SP3: variants seen among roughly 807,000 people sequenced by gnomAD.
The protein encoded by SP3 is Sp3 transcription factor.
A neutral mutation model predicts 70.3 loss-of-function variants in SP3; 10 were observed. That is an observed-to-expected ratio of 0.14 (90% confidence interval 0.09 to 0.24). The LOEUF (loss-of-function observed/expected upper bound fraction) is 0.24. Ranked by LOEUF, SP3 falls within the 10% of genes least tolerant of loss-of-function variation. SP3 has a pLI of 1.00. For synonymous variants in SP3, 402 were observed against 333.5 expected (o/e 1.21, Z -2.24); for missense variants, 825 against 914.6 (o/e 0.90, Z 1.26).
chr2:173,937,323 C>A (rs1419117919), intron 4 of SP3, among the ~76,000 whole-genome samples: 1 of 152,144 alleles, frequency 6.6e-6, no homozygotes, highest in African/African-American at 2.4e-5. Flanking sequence ...ACTGGTTATC[C>A]CCTGAAATTT....
rs554153209 is a variant in SP3, at chr2:173,932,291, AAGCAATTGTTCTGCCTC to A, written c.1640-13523_1640-13507del. On this transcript the variant is annotated intron_variant, in intron 4 of 6. Coordinates refer to ENST00000310015, the MANE Select transcript of SP3 (RefSeq NM_003111.5). ...ACTGCAACATCTGCCTCCTGGGTTC[AAGCAATTGTTCTGCCTC>A]AGCCTCCCAAGTGGCTGGGATTACA... Among the ~76,000 whole-genome samples the A allele has an allele frequency of 2.0e-5, 3 of 152,158 alleles. No individual in the cohort carries two copies. In the South Asian group the frequency reaches 6.2e-4, roughly 32 times the overall value.
intron 4 of SP3, among the ~76,000 whole-genome samples, chr2:173,923,355 A>G (rs759043929): frequency 1.1e-3 from 167 of 152,182 alleles, no homozygotes; most frequent in Non-Finnish European, 1.5e-3. Flanking sequence ...AATTTAAATA[A>G]TGAAATATAC....
In SP3 at chr2:173,908,261, CT is replaced by C. The variant is rs1355190884; in HGVS notation, c.*1679del. The C allele has an allele frequency of 2.0e-5, 3 of 152,012 alleles. No homozygotes were observed. The highest frequency in any genetic ancestry group is 4.4e-5 in the Non-Finnish European group (3 of 67,934). 9.4% of individuals were successfully genotyped at this position (152,012 alleles called of 1,614,324 possible). ...AAAACAAAAAAATTGCAAAATGGTA[CT>C]GATAAAACTGATATGAATCAATGTG... is the stretch of plus-strand genomic sequence containing the variant. On this transcript the variant is annotated 3_prime_UTR_variant, in exon 7 of 7. Coordinates refer to ENST00000310015, the MANE Select transcript of SP3 (RefSeq NM_003111.5).
At chr2:173,939,724 C>T (rs1690306437) in intron 4 of SP3, among the ~76,000 whole-genome samples, 1 of 129,116 alleles carries the variant, frequency 7.7e-6, no homozygotes, top group African/African-American at 3.1e-5. Context: ...AAGATTGCGC[C>T]ACTGCACTCC....
chr2:173,931,448 A>T (rs1690064111), intron 4 of SP3, among the ~76,000 whole-genome samples: 1 of 152,100 alleles, frequency 6.6e-6, no homozygotes, highest in African/African-American at 2.4e-5. Flanking sequence ...GGTTCAAGCG[A>T]TTCTTCTGCC....
In SP3 at chr2:173,900,796, A is replaced by AT. The variant is rs1185077486; in HGVS notation, c.*9144dup. Among the ~76,000 whole-genome samples the AT allele has an allele frequency of 8.5e-5, 13 of 152,234 alleles. No homozygotes were observed. The highest frequency in any genetic ancestry group is 2.7e-4 in the African/African-American group (11 of 41,474). The stretch of plus-strand genomic sequence containing the variant: ...AGGATTTTCAAAGAGACAATAATTT[A>AT]TTTTTAAAAACCATTAAAGACTTGA... On this transcript the variant is annotated 3_prime_UTR_variant, in exon 7 of 7. Transcript: ENST00000310015.
intron 4 of SP3, among the ~76,000 whole-genome samples, chr2:173,926,756 G>A (rs1689921761): frequency 6.6e-6 from 1 of 151,972 alleles, no homozygotes; most frequent in Non-Finnish European, 1.5e-5. Context: ...CATTCCAATT[G>A]CATATTGCAA....
At chr2:173,914,799 A>G (rs1418134381) in intron 5 of SP3, 1 of 152,220 alleles carries the variant, frequency 6.6e-6, no homozygotes, top group Admixed American at 6.5e-5. Flanking sequence ...CTCCCTTGCA[A>G]TGCCAAAGTC....
At chr2:173,930,805 A>G (rs1690046006) in intron 4 of SP3, among the ~76,000 whole-genome samples, 1 of 152,222 alleles carries the variant, frequency 6.6e-6, no homozygotes, top group Non-Finnish European at 1.5e-5. Context: ...TTAAGTGATG[A>G]TAGGCTGTAA....
intron 4 of SP3, among the ~76,000 whole-genome samples, chr2:173,920,544 A>G (rs10190140): frequency 0.41 from 62,219 of 151,782 alleles, 12,983 homozygotes; most frequent in Non-Finnish European, 0.44. Flanking sequence ...GGGGTAAGGT[A>G]TATCTCTATA....
chr2:173,950,393 T>A (rs1690677309), intron 4 of SP3, among the ~76,000 whole-genome samples: 1 of 151,772 alleles, frequency 6.6e-6, no homozygotes, highest in Non-Finnish European at 1.5e-5. Context: ...AAAAGTAAAG[T>A]GCAGGCTAGG....
intron 6 of SP3, among the ~76,000 whole-genome samples, chr2:173,912,047 A>G (rs1489480998): frequency 6.6e-6 from 1 of 152,102 alleles, no homozygotes; most frequent in Non-Finnish European, 1.5e-5. Flanking sequence ...CAAACTCCTG[A>G]GGCTCAAGCA....
chr2:173,951,540 A>G (rs1690712703), intron 4 of SP3, among the ~76,000 whole-genome samples: 1 of 152,258 alleles, frequency 6.6e-6, no homozygotes, highest in South Asian at 2.1e-4. Flanking sequence ...AGTGAATAAA[A>G]GAAGACATTT....
At chr2:173,924,970 C>T (rs1689869609) in intron 4 of SP3, among the ~76,000 whole-genome samples, 1 of 152,216 alleles carries the variant, frequency 6.6e-6, no homozygotes, top group South Asian at 2.1e-4. Context: ...TCACTGCAAC[C>T]TCCACCTCCC....
At chr2:173,924,814 A>G (rs1342403781) in intron 4 of SP3, among the ~76,000 whole-genome samples, 1 of 152,236 alleles carries the variant, frequency 6.6e-6, no homozygotes, top group Non-Finnish European at 1.5e-5. Context: ...AATTTTAATT[A>G]GTTTTAGTTT....
In SP3 at chr2:173,953,660, C is replaced by T. The variant is rs115778289; in HGVS notation, c.1639+1213G>A. ...TATTCAGGAGCTAATCCCAGTTACT[C>T]GAGAGGCTGAGGCACGAGAATTGCT... On this transcript the variant is annotated intron_variant, in intron 4 of 6. Coordinates refer to ENST00000310015, the MANE Select transcript of SP3 (RefSeq NM_003111.5). Among the ~76,000 whole-genome samples the T allele has an allele frequency of 5.2e-3, 796 of 151,996 alleles. 3 individuals carry two copies. The highest frequency in any genetic ancestry group is 0.018 in the African/African-American group (760 of 41,436).
At chr2:173,930,309 C>G (rs966399794) in intron 4 of SP3, among the ~76,000 whole-genome samples, 1 of 152,118 alleles carries the variant, frequency 6.6e-6, no homozygotes, top group Admixed American at 6.5e-5. Context: ...GGCACAGTCG[C>G]TCATCCCAGT....
chr2:173,938,711 G>A (rs1690277771), intron 4 of SP3, among the ~76,000 whole-genome samples: 1 of 152,146 alleles, frequency 6.6e-6, no homozygotes, highest in Non-Finnish European at 1.5e-5. Flanking sequence ...GTGGCAAGAA[G>A]AAGGGAAGGC....
chr2:173,955,956 T>C lies in SP3; in HGVS notation c.556A>G (p.Ile186Val). The change falls in exon 4 of 7, where the codon ATT (isoleucine) becomes GTT (valine). Residue 186 changes from isoleucine to valine, a missense_variant. Physicochemically the swap from Ile to Val is conservative, Grantham distance 29. Transcript: ENST00000310015. The part of the protein sequence containing the change: ...IQSADGQQVQ[I>V]GFTGSSDNGG... ...TTATCTGAAGAGCCTGTGAAACCAA[T>C]TTGAACCTGCTGACCATCTGCTGAC... 4 of 1,614,210 alleles carry C rather than the reference T, an allele frequency of 2.5e-6. No homozygotes were observed. The highest frequency in any genetic ancestry group is 3.4e-6 in the Non-Finnish European group (4 of 1,180,024).
Sources: allele counts gnomAD v4.1 joint callset (sites outside exome capture counted in the v4.1 genomes callset), GRCh38; gene constraint gnomAD v4.1.1; transcripts MANE v1.5; gene names NCBI Gene and HGNC (gene_info 2026-07-23, HGNC 2026-07-21).